The following CDH15 variants were observed in gnomAD, a reference collection of about 807,000 sequenced individuals.
The protein encoded by CDH15 is cadherin-15.
Under a neutral mutation model 69.4 loss-of-function variants are expected in CDH15, and 73 were observed. The observed-to-expected ratio is 1.05, with a 90% CI of 0.87 to 1.28. The LOEUF (loss-of-function observed/expected upper bound fraction) is 1.28, where lower values mean the gene tolerates loss of function less well. Among genes scored for constraint, CDH15 ranks in the 50% most tolerant of loss-of-function variants. The pLI, the probability that CDH15 is intolerant of heterozygous loss-of-function variation, is 0.00. For synonymous variants in CDH15, 624 were observed against 507.7 expected, an observed-to-expected ratio of 1.23 and a Z score of -3.08; for missense variants, 1,343 against 1,133.6, an observed-to-expected ratio of 1.18 and a Z score of -2.65.
Position 89,191,345 on chromosome 16 carries a change from C to G in CDH15, c.1248C>G (p.Tyr416Ter). The change falls in exon 9 of 14, where the codon TAC becomes TAG. Residue 416 changes from tyrosine (Y) to a stop codon, truncating the protein, a stop_gained. Coordinates refer to ENST00000289746, the MANE Select transcript of CDH15 (RefSeq NM_004933.3). LOFTEE classifies it high-confidence loss of function. ...CCTGCATCAGCTACTCCAAGGACTA[C>G]GACCCGGAAGACTGGCTGCAAGTGG... ...QLQRLSYSKD[Y>*]DPEDWLQVDA... 6.2e-7 allele frequency: 1 copy of G among 1,612,830 alleles called. No individual in the cohort carries two copies. Among genetic ancestry groups the G allele is most frequent in the Non-Finnish European group, 8.5e-7 (1 of 1,179,988 alleles).
At chr16:89,185,756 T>C in intron 5 of CDH15, 1 of 282,126 alleles carries the variant, frequency 3.5e-6, no homozygotes, top group Non-Finnish European at 7.0e-6. Flanking sequence ...TGTTACGTGG[T>C]CTTTGTCCAT....
rs777470832 is a variant in CDH15 at position 89,193,803 on chromosome 16, C to T, written c.2041C>T (p.Pro681Ser). The change falls in exon 13 of 14, where the codon CCT becomes TCT. Residue 681 changes from proline to serine, a missense_variant. Coordinates refer to ENST00000289746, the MANE Select transcript of CDH15 (RefSeq NM_004933.3). Reference protein sequence around the residue: ...QLRHPTALSLPLGPPPLRRDA... With the variant: ...QLRHPTALSLSLGPPPLRRDA... ...GCGTCACCCGACAGCGCTGAGCCTG[C>T]CTCTGGGACCGCCGCCACTTCGCAG... 1.9e-6 allele frequency: 3 copies of T among 1,608,276 alleles called. No individual in the cohort carries two copies. Among genetic ancestry groups the T allele is most frequent in the Non-Finnish European group, 1.7e-6 (2 of 1,179,492 alleles).
intron 5 of CDH15, among the ~76,000 whole-genome samples, chr16:89,186,795 G>T (rs1224122057): frequency 6.9e-6 from 1 of 144,122 alleles, no homozygotes; most frequent in Admixed American, 6.9e-5. Context: ...CTCTGTAAAC[G>T]CTTACCCAGC....
Position 89,171,826 on chromosome 16 carries a change from G to GC in CDH15, c.-2dup, listed in dbSNP as rs1314523181. 1.3e-6 allele frequency: 2 copies of GC among 1,555,768 alleles called. No individual in the cohort carries two copies. The highest frequency in any genetic ancestry group is 4.8e-5 in the East Asian group (2 of 41,532). On this transcript the variant is annotated 5_prime_UTR_variant, in exon 1 of 14. Transcript: ENST00000289746. ...GCACTCCGGCCCGGCTCCCGCCTCG[G>GC]CCCCGATGGACGCCGCGTTCCTCCT...
At chr16:89,191,625 G>A in intron 9 of CDH15, 30 bp from the exon 10 acceptor site, 1 of 1,569,192 alleles carries the variant, frequency 6.4e-7, no homozygotes, top group Non-Finnish European at 8.6e-7. Context: ...GGGTGTTGGG[G>A]TCACTAAGCC....
Position 89,191,500 on chromosome 16 carries a change from C to G in CDH15, c.1375+28C>G, listed in dbSNP as rs968876589. On this transcript the variant is annotated intron_variant, in intron 9 of 13. Transcript: ENST00000289746. ...GAGCGGCGCCGCCGGCTTGGGGCTCCCTGACCTGGCCTTGTCCCGGCTGAG... is the reference window on the plus strand; with the variant it reads ...GAGCGGCGCCGCCGGCTTGGGGCTCGCTGACCTGGCCTTGTCCCGGCTGAG... 1.1e-5 allele frequency: 17 copies of G among 1,609,810 alleles called. No individual in the cohort carries two copies. The Admixed American group carries it at 1.7e-4, about 16-fold the overall frequency.
chr16:89,191,528 C>G lies in CDH15; in HGVS notation c.1375+56C>G, dbSNP rs1262126740. The G allele has an allele frequency of 4.4e-6, 7 of 1,602,816 alleles. No homozygotes were observed. The African/African-American group carries it at 8.0e-5, about 18-fold the overall frequency. On this transcript the variant is annotated intron_variant, in intron 9 of 13. Coordinates refer to ENST00000289746, the MANE Select transcript of CDH15 (RefSeq NM_004933.3). ...GACCTGGCCTTGTCCCGGCTGAGCACCCCTGCCAGTGTCGGAGGGCTCTGC... is the reference window on the plus strand; with the variant it reads ...GACCTGGCCTTGTCCCGGCTGAGCAGCCCTGCCAGTGTCGGAGGGCTCTGC...
rs746640472 is a variant in CDH15, at chr16:89,179,932, C to A, written c.202-268C>A. Among the ~76,000 whole-genome samples the A allele has an allele frequency of 2.4e-4, 37 of 152,224 alleles. 1 individual carries two copies. The highest frequency in any genetic ancestry group is 5.0e-4 in the Non-Finnish European group (34 of 68,030). The stretch of plus-strand genomic sequence containing the variant: ...CTGCCTTGCGTGGGCCTCAGCTTCA[C>A]ATACCCAAAATCGCCCCAGAGACCA... On this transcript the variant is annotated intron_variant, in intron 2 of 13. Coordinates refer to ENST00000289746, the MANE Select transcript of CDH15 (RefSeq NM_004933.3).
intron 1 of CDH15, among the ~76,000 whole-genome samples, chr16:89,174,059 G>T (rs1597299797): frequency 6.6e-6 from 1 of 152,234 alleles, no homozygotes; most frequent in African/African-American, 2.4e-5. Context: ...AGGCCAAGAA[G>T]GGAAGTGGCT....
chr16:89,193,994 G>A, intron 13 of CDH15, 81 bp downstream of exon 13: 1 of 1,486,632 alleles, frequency 6.7e-7, no homozygotes. Flanking sequence ...ACCTGCACAT[G>A]CATGCAAGAA....
intron 7 of CDH15, among the ~76,000 whole-genome samples, chr16:89,188,560 C>T (rs1447174780): frequency 3.0e-5 from 4 of 133,194 alleles, no homozygotes; most frequent in African/African-American, 5.8e-5. Context: ...ACACAGATGC[C>T]GGCACACACA....
At chr16:89,193,712 C>T in intron 12 of CDH15, 43 bp from the exon 13 acceptor site, 2 of 1,589,378 alleles carry the variant, frequency 1.3e-6, no homozygotes, top group Non-Finnish European at 1.7e-6. Flanking sequence ...CCACCAGGGC[C>T]ACCCGAGGGA....
At chr16:89,172,046 G>T (rs2151596383) in intron 1 of CDH15, among the ~76,000 whole-genome samples, 173 bp downstream of exon 1, 1 of 152,234 alleles carries the variant, frequency 6.6e-6, no homozygotes, top group African/African-American at 2.4e-5. Flanking sequence ...GCACCCCAGG[G>T]GTTGTGGGGA....
chr16:89,187,637 G>C lies in CDH15; in HGVS notation c.792+80G>C, dbSNP rs374884479. ...TCTTGGGCTCCTGCAGAAGGCAGCG[G>C]GCTTCATGATGGGGCAGGAGGATGG... is the stretch of plus-strand genomic sequence containing the variant. On this transcript the variant is annotated intron_variant, in intron 6 of 13. Coordinates refer to ENST00000289746, the MANE Select transcript of CDH15 (RefSeq NM_004933.3). 2.9e-5 allele frequency: 46 copies of C among 1,579,272 alleles called. No individual in the cohort carries two copies. The East Asian group carries it at 2.9e-4, about 10-fold the overall frequency.
In CDH15 at chr16:89,195,233, G is replaced by A. The variant is rs1027214309; in HGVS notation, c.*78G>A. 9.9e-6 allele frequency: 14 copies of A among 1,412,898 alleles called. No individual in the cohort carries two copies. In the African/African-American group the frequency reaches 1.1e-4, roughly 12 times the overall value. 87.5% of individuals were successfully genotyped at this position (1,412,898 alleles called of 1,614,324 possible). A position where few individuals can be genotyped will look rare whatever the true frequency, so the allele number is the denominator to read the frequency against. ...CCTGCAGAGGCAGCCTGAGGTCACC[G>A]GGCCCGACCCCCCTGGGCCTGGGGC... is the stretch of plus-strand genomic sequence containing the variant. On this transcript the variant is annotated 3_prime_UTR_variant, in exon 14 of 14. Transcript: ENST00000289746.
chr16:89,176,589 G>A (rs531982201), intron 1 of CDH15, among the ~76,000 whole-genome samples: 1 of 152,260 alleles, frequency 6.6e-6, no homozygotes, highest in East Asian at 1.9e-4. Flanking sequence ...GTGTGGCGTG[G>A]CCGGCACACC....
Position 89,187,531 on chromosome 16 carries a change from A to G in CDH15, c.766A>G (p.Asn256Asp). ...CATCACCCTTGATGACATCAATGAC[A>G]ATGCCCCCGAGTTCACCAGGGATGA... is the stretch of plus-strand genomic sequence containing the variant. The part of the protein sequence containing the change: ...AIITLDDIND[N>D]APEFTRDEFF... Residue 256 changes from asparagine to aspartate, a missense_variant, in exon 6 of 14, where the codon AAT (asparagine) becomes GAT (aspartate). Coordinates refer to ENST00000289746, the MANE Select transcript of CDH15 (RefSeq NM_004933.3). 3 of 1,613,628 alleles carry G rather than the reference A, an allele frequency of 1.9e-6. No homozygotes were observed. The highest frequency in any genetic ancestry group is 1.7e-6 in the Non-Finnish European group (2 of 1,179,994).
Position 89,171,885 on chromosome 16 carries a change from G to T in CDH15, c.42+12G>T. ...GGCTGTTGGCCCAGGTAAGGCATCG[G>T]CACCTGCGGGGGTCCCCGCTGCCTC... On this transcript the variant is annotated intron_variant, in intron 1 of 13. Coordinates refer to ENST00000289746, the MANE Select transcript of CDH15 (RefSeq NM_004933.3). 1 of 1,552,708 alleles carries T rather than the reference G, an allele frequency of 6.4e-7. No individual in the cohort carries two copies.
At chr16:89,191,058 GGGT>G (rs368966187) in intron 8 of CDH15, among the ~76,000 whole-genome samples, 364 of 144,718 alleles carry the variant, frequency 2.5e-3, no homozygotes, top group African/African-American at 8.6e-3. Context: ...GGTGTGTGGG[GGGT>G]GGTATGTGCA....
Sources: gnomAD v4.1 joint callset for allele counts (sites outside exome capture counted in the v4.1 genomes callset) on GRCh38, gnomAD v4.1.1 for gene constraint, MANE v1.5 for transcripts, NCBI Gene and HGNC (gene_info 2026-07-23, HGNC 2026-07-21) for gene names.